RAB35: variants seen among roughly 807,000 people sequenced by gnomAD.
RAB35 encodes ras-related protein Rab-35.
RAB35 carries 4 observed loss-of-function variants against 28.9 expected under a neutral mutation model. That is an observed-to-expected ratio of 0.14 (90% confidence interval 0.07 to 0.32). The LOEUF is 0.32. RAB35 is among the 10% of genes least tolerant of loss of function. The probability of loss-of-function intolerance (pLI) is 1.00; values close to 1 mark genes in which losing one functional copy is unlikely to be tolerated. For synonymous variants in RAB35, 99 were observed against 105.1 expected (o/e 0.94, Z 0.35); for missense variants, 128 against 274.0 (o/e 0.47, Z 3.76).
At position 120,096,432 on chromosome 12, in the gene RAB35, T is replaced by C. The variant is rs901413532; in HGVS notation, c.*813A>G. The stretch of plus-strand genomic sequence containing the variant: ...TTGATCTGTTAAAATAATCCTCCCA[T>C]AGCCCCCCTGCCAGCCCCATCTCTG... On this transcript the variant is annotated 3_prime_UTR_variant, in exon 6 of 6. Transcript: ENST00000229340. The C allele has an allele frequency of 1.6e-6, 2 of 1,287,434 alleles. No individual in the cohort carries two copies. Among genetic ancestry groups the C allele is most frequent in the African/African-American group, 1.5e-5 (1 of 65,660 alleles). The allele number at this position is 1,287,434 out of a possible 1,614,324, so 79.8% of individuals were successfully genotyped here. A position where few individuals can be genotyped will look rare whatever the true frequency, so the allele number is the denominator to read the frequency against.
At position 120,097,110 on chromosome 12, in the gene RAB35, C is replaced by CA; in HGVS notation, c.*134dup. The stretch of plus-strand genomic sequence containing the variant: ...AGGGCGGGGGAGGAAGTGCCGATGG[C>CA]ACCTCCCGATACAAAAACATGGAGA... On this transcript the variant is annotated 3_prime_UTR_variant, in exon 6 of 6. Coordinates refer to ENST00000229340, the MANE Select transcript of RAB35 (RefSeq NM_006861.7). 2 of 1,593,268 alleles carry CA rather than the reference C, an allele frequency of 1.3e-6. No individual in the cohort carries two copies. Among genetic ancestry groups the CA allele is most frequent in the Non-Finnish European group, 1.7e-6 (2 of 1,174,316 alleles).
intron 5 of RAB35, among the ~76,000 whole-genome samples, chr12:120,098,485 AGAGGACTG>A (rs1225393433): frequency 6.6e-6 from 1 of 152,266 alleles, no homozygotes; most frequent in African/African-American, 2.4e-5. Flanking sequence ...CCAATGAGGC[AGAGGACTG>A]GAGTGGAAAC....
intron 1 of RAB35, among the ~76,000 whole-genome samples, chr12:120,111,969 T>C (rs1197350788): frequency 6.7e-6 from 1 of 148,334 alleles, no homozygotes; most frequent in Non-Finnish European, 1.5e-5. Context: ...CCCCAACCAG[T>C]CCAGCCTGTC....
chr12:120,105,476 G>C (rs777406234), intron 2 of RAB35, among the ~76,000 whole-genome samples: 1 of 152,134 alleles, frequency 6.6e-6, no homozygotes, highest in Non-Finnish European at 1.5e-5. Flanking sequence ...GTTCTCAGCC[G>C]GGATGACTGT....
intron 1 of RAB35, among the ~76,000 whole-genome samples, chr12:120,115,109 C>A (rs890987573): frequency 6.6e-6 from 1 of 152,130 alleles, no homozygotes; most frequent in Non-Finnish European, 1.5e-5. Flanking sequence ...ACCTCCTTCC[C>A]CAACCTCAGT....
intron 2 of RAB35, among the ~76,000 whole-genome samples, chr12:120,106,325 GCAATTA>G (rs1162094878): frequency 1.3e-5 from 2 of 152,180 alleles, no homozygotes; most frequent in African/African-American, 4.8e-5. Context: ...TATTTATTGA[GCAATTA>G]CTTAGTCCCA....
intron 1 of RAB35, among the ~76,000 whole-genome samples, chr12:120,116,391 C>T (rs1409314095): frequency 6.6e-6 from 1 of 152,018 alleles, no homozygotes; most frequent in Non-Finnish European, 1.5e-5. Context: ...TGACTGGACC[C>T]GGCGCGCTTG....
At chr12:120,107,911 C>T (rs1439292108) in intron 2 of RAB35, among the ~76,000 whole-genome samples, 1 of 150,322 alleles carries the variant, frequency 6.7e-6, no homozygotes, top group African/African-American at 2.5e-5. Flanking sequence ...TCGCCTATAT[C>T]CCAAGTAGCT....
chr12:120,106,266 C>T (rs542847588), intron 2 of RAB35, among the ~76,000 whole-genome samples: 37 of 152,260 alleles, frequency 2.4e-4, no homozygotes, highest in Non-Finnish European at 4.4e-4. Flanking sequence ...TGTTAATCAG[C>T]TATCATTCTT....
chr12:120,100,717 T>C (rs1875623822), intron 3 of RAB35, among the ~76,000 whole-genome samples: 1 of 152,182 alleles, frequency 6.6e-6, no homozygotes, highest in African/African-American at 2.4e-5. Flanking sequence ...TGCCCACAGC[T>C]TTGCTTCCAG....
intron 3 of RAB35, among the ~76,000 whole-genome samples, chr12:120,102,462 A>G (rs1479195028): frequency 1.3e-5 from 2 of 152,192 alleles, no homozygotes; most frequent in African/African-American, 4.8e-5. Flanking sequence ...GGGCTCATCA[A>G]CGGTCACCAC....
chr12:120,108,613 C>A, intron 1 of RAB35, 146 bp from the exon 2 acceptor site: 1 of 742,254 alleles, frequency 1.3e-6, no homozygotes, highest in South Asian at 1.5e-5. Flanking sequence ...CTTTCCACCT[C>A]CCTGAGCGGC....
At position 120,104,108 on chromosome 12, in the gene RAB35, G is replaced by A. The variant is rs1208222665; in HGVS notation, c.104-159C>T. Among the ~76,000 whole-genome samples, 7 of 152,090 alleles carry A rather than the reference G, an allele frequency of 4.6e-5. No homozygotes were observed. The South Asian group carries it at 1.0e-3, about 22-fold the overall frequency. ...CAGGGACACAGCCCTGAACATCCTTGTTCACAAGGCCCCTCCACACACAAG... is the reference window on the plus strand; with the variant it reads ...CAGGGACACAGCCCTGAACATCCTTATTCACAAGGCCCCTCCACACACAAG... On this transcript the variant is annotated intron_variant, in intron 2 of 5. Transcript: ENST00000229340.
At chr12:120,116,483 T>TGG in intron 1 of RAB35, 116 bp downstream of exon 1, 1 of 678,552 alleles carries the variant, frequency 1.5e-6, no homozygotes. Flanking sequence ...ACCGCCGGGC[T>TGG]GCCCCGCCCG....
At chr12:120,101,020 C>T (rs1176744800) in intron 3 of RAB35, among the ~76,000 whole-genome samples, 2 of 152,244 alleles carry the variant, frequency 1.3e-5, no homozygotes, top group African/African-American at 2.4e-5. Flanking sequence ...GCACAGCCCC[C>T]GCGGCTCCCT....
At position 120,096,205 on chromosome 12, in the gene RAB35, G is replaced by A. The variant is rs940045069; in HGVS notation, c.*1040C>T. ...CCTGACCTCCAGTGGGAGGCAACTC[G>A]GACAAGGGTGGGAGGCCCCTTCTCC... On this transcript the variant is annotated 3_prime_UTR_variant, in exon 6 of 6. Transcript: ENST00000229340. 1.4e-5 allele frequency: 5 copies of A among 358,760 alleles called. No individual in the cohort carries two copies. The highest frequency in any genetic ancestry group is 7.9e-5 in the Admixed American group (2 of 25,400). 22.2% of individuals were successfully genotyped at this position (358,760 alleles called of 1,614,324 possible).
chr12:120,108,995 T>A lies in RAB35; in HGVS notation c.53-528A>T, dbSNP rs375496187. On this transcript the variant is annotated intron_variant, in intron 1 of 5. Transcript: ENST00000229340. ...TAGAACTCAATGGCTACCATCTTTCTGGCTGATGTCCCCGCCGGGTGGGCT... is the reference window on the plus strand; with the variant it reads ...TAGAACTCAATGGCTACCATCTTTCAGGCTGATGTCCCCGCCGGGTGGGCT... 1.1e-4 allele frequency among the ~76,000 whole-genome samples: 17 copies of A among 152,344 alleles called. No individual in the cohort carries two copies. In the East Asian group the frequency reaches 2.9e-3, roughly 26 times the overall value.
chr12:120,116,304 A>C (rs1594249400), intron 1 of RAB35, among the ~76,000 whole-genome samples: 1 of 152,026 alleles, frequency 6.6e-6, no homozygotes, highest in East Asian at 1.9e-4. Context: ...TAGTCCTGAG[A>C]CTCGAACCCA....
intron 3 of RAB35, among the ~76,000 whole-genome samples, chr12:120,101,956 G>A (rs1285962496): frequency 2.6e-5 from 4 of 152,078 alleles, no homozygotes; most frequent in Non-Finnish European, 5.9e-5. Context: ...AAAGAGCCTC[G>A]GACCCCCCAG....
Sources: gnomAD v4.1 joint callset for allele counts (sites outside exome capture counted in the v4.1 genomes callset) on GRCh38, gnomAD v4.1.1 for gene constraint, MANE v1.5 for transcripts, NCBI Gene and HGNC (gene_info 2026-07-23, HGNC 2026-07-21) for gene names.